Variants in SHLD1 observed in about 807,000 individuals in gnomAD.
SHLD1 encodes RINN1-REV7-interacting novel NHEJ regulator 3.
In SHLD1, 3 loss-of-function variants were observed where a neutral mutation model predicts 5.5. The ratio of observed to expected loss-of-function variants is 0.54; its 90% CI spans 0.25 to 1.40. The LOEUF is 1.40. Ranked by LOEUF, SHLD1 falls within the 40% of genes most tolerant of loss-of-function variation. The pLI, the probability that SHLD1 is intolerant of heterozygous loss-of-function variation, is 0.15. For synonymous variants in SHLD1, 92 were observed against 94.3 expected, an observed-to-expected ratio of 0.98 and a Z score of 0.14; for missense variants, 210 against 244.4, an observed-to-expected ratio of 0.86 and a Z score of 0.94.
chr20:5,766,205 G>A (rs1292875308), intron 1 of SHLD1, among the ~76,000 whole-genome samples: 1 of 152,134 alleles, frequency 6.6e-6, no homozygotes, highest in African/African-American at 2.4e-5. Context: ...GGAGGACAGA[G>A]TTGCCTGGTG....
chr20:5,837,197 A>G (rs2087799576), intron 2 of SHLD1, among the ~76,000 whole-genome samples: 1 of 152,206 alleles, frequency 6.6e-6, no homozygotes, highest in African/African-American at 2.4e-5. Context: ...GGTATGGGTA[A>G]AATTAGGATA....
At chr20:5,803,032 G>C (rs1289758127) in intron 2 of SHLD1, among the ~76,000 whole-genome samples, 1 of 152,184 alleles carries the variant, frequency 6.6e-6, no homozygotes, top group East Asian at 1.9e-4. Context: ...GCTGTTCTGG[G>C]CTTATTCTTG....
At chr20:5,860,040 T>C (rs1241270598) in intron 2 of SHLD1, among the ~76,000 whole-genome samples, 2 of 152,204 alleles carry the variant, frequency 1.3e-5, no homozygotes, top group East Asian at 3.8e-4. Flanking sequence ...TTTCCCAGTG[T>C]TGTTGGTGGG....
At chr20:5,850,583 T>C (rs568998134) in intron 2 of SHLD1, among the ~76,000 whole-genome samples, 1 of 150,890 alleles carries the variant, frequency 6.6e-6, no homozygotes, top group East Asian at 1.9e-4. Context: ...TGATCTCGGC[T>C]CACTGCAACC....
chr20:5,795,400 T>C (rs889792962), intron 2 of SHLD1, among the ~76,000 whole-genome samples: 3 of 151,904 alleles, frequency 2.0e-5, no homozygotes, highest in Admixed American at 2.0e-4. Context: ...AGTTCAAGAC[T>C]AGCCTGGCCA....
chr20:5,849,154 G>A (rs111350277), intron 2 of SHLD1, among the ~76,000 whole-genome samples: 73 of 152,294 alleles, frequency 4.8e-4, no homozygotes, highest in African/African-American at 1.7e-3. Context: ...TTGTTTTTCT[G>A]TAACTAATTT....
chr20:5,826,280 C>T (rs552888533), intron 2 of SHLD1, among the ~76,000 whole-genome samples: 57 of 152,168 alleles, frequency 3.7e-4, no homozygotes, highest in African/African-American at 1.3e-3. Flanking sequence ...AACCACAGCC[C>T]TCCTTTTCCC....
chr20:5,796,802 C>T (rs1363046352), intron 2 of SHLD1, among the ~76,000 whole-genome samples: 3 of 149,364 alleles, frequency 2.0e-5, no homozygotes, highest in Non-Finnish European at 4.4e-5. Flanking sequence ...GCACTCCAGC[C>T]TGGACAACAG....
At chr20:5,825,059 G>T (rs1333167256) in intron 2 of SHLD1, among the ~76,000 whole-genome samples, 1 of 152,300 alleles carries the variant, frequency 6.6e-6, no homozygotes, top group African/African-American at 2.4e-5. Flanking sequence ...AATAGATTCA[G>T]CCTTTGTTGG....
intron 1 of SHLD1, among the ~76,000 whole-genome samples, chr20:5,759,989 TACAC>T (rs74281801): frequency 2.7e-5 from 4 of 150,550 alleles, no homozygotes; most frequent in South Asian, 4.2e-4. Context: ...TGTATTTTTA[TACAC>T]ACACACACAC....
rs753372133 is a variant in SHLD1 at position 5,806,377 on chromosome 20, C to T, written c.178+33334C>T. ...TTTGAAAACTAGAACATTTGCTTATCTCCCGTCCCTCTATCACTTACCCCA... is the reference window on the plus strand; with the variant it reads ...TTTGAAAACTAGAACATTTGCTTATTTCCCGTCCCTCTATCACTTACCCCA... On this transcript the variant is annotated intron_variant, in intron 2 of 2. Transcript: ENST00000303142. The surrounding 1 kb of genome is among the most constrained non-coding windows in gnomAD (Gnocchi z 7.6). Among the ~76,000 whole-genome samples the T allele has an allele frequency of 5.9e-5, 9 of 152,212 alleles. No homozygotes were observed. The highest frequency in any genetic ancestry group is 1.0e-4 in the Non-Finnish European group (7 of 68,042).
In SHLD1 at chr20:5,755,628, A is replaced by T. The variant is rs117287988; in HGVS notation, c.-5+5149A>T. Among the ~76,000 whole-genome samples the T allele has an allele frequency of 4.0e-5, 6 of 151,354 alleles. No individual in the cohort carries two copies. The East Asian group carries it at 7.8e-4, about 20-fold the overall frequency. On this transcript the variant is annotated intron_variant, in intron 1 of 2. Transcript: ENST00000303142. The stretch of plus-strand genomic sequence containing the variant: ...AGGCTGGAGTGGAATGGTGTCATCT[A>T]GGCTCACCACAACCTCCGCCTCCCA...
intron 2 of SHLD1, among the ~76,000 whole-genome samples, chr20:5,792,337 T>A (rs1203849202): frequency 6.6e-6 from 1 of 152,204 alleles, no homozygotes; most frequent in Non-Finnish European, 1.5e-5. Context: ...TATGTTTAGG[T>A]CTTTAATCCA....
chr20:5,773,969 C>A (rs573973295), intron 2 of SHLD1, among the ~76,000 whole-genome samples: 2 of 152,156 alleles, frequency 1.3e-5, no homozygotes, highest in South Asian at 2.1e-4. Context: ...TTTGGGAGGC[C>A]GAGGCGGGTG....
chr20:5,792,760 G>T (rs958040864), intron 2 of SHLD1, among the ~76,000 whole-genome samples: 1 of 151,778 alleles, frequency 6.6e-6, no homozygotes, highest in South Asian at 2.1e-4. Flanking sequence ...TGTAGCCTCT[G>T]GCTCCTGGGT....
intron 1 of SHLD1, among the ~76,000 whole-genome samples, chr20:5,767,793 A>G (rs964749374): frequency 2.0e-5 from 3 of 152,098 alleles, no homozygotes; most frequent in Non-Finnish European, 4.4e-5. Flanking sequence ...GTAATGTCCA[A>G]ATGCTGAATC....
intron 2 of SHLD1, among the ~76,000 whole-genome samples, chr20:5,838,779 AAAAT>A (rs1365895207): frequency 1.3e-5 from 2 of 152,270 alleles, no homozygotes; most frequent in Non-Finnish European, 2.9e-5. Context: ...CTCTGTCTCA[AAAAT>A]AAATAAAGAA....
At chr20:5,772,811 C>T in intron 1 of SHLD1, 51 bp from the exon 2 acceptor site, 1 of 1,462,190 alleles carries the variant, frequency 6.8e-7, no homozygotes, top group Non-Finnish European at 9.3e-7. Flanking sequence ...AATGAAGGAT[C>T]CTGCTATGTG....
intron 1 of SHLD1, among the ~76,000 whole-genome samples, chr20:5,764,793 A>G (rs555917897): frequency 3.7e-4 from 57 of 152,302 alleles, no homozygotes; most frequent in Non-Finnish European, 6.3e-4. Flanking sequence ...AAGTCATAGA[A>G]AGAGTCTAGG....
Sources: gnomAD v4.1 joint callset for allele counts (sites outside exome capture counted in the v4.1 genomes callset) on GRCh38, gnomAD v4.1.1 for gene constraint, Gnocchi (gnomAD v3.1) non-coding constraint, MANE v1.5 for transcripts, NCBI Gene and HGNC (gene_info 2026-07-23, HGNC 2026-07-21) for gene names.